Variants in NBDY observed in about 807,000 individuals in gnomAD.
The protein encoded by NBDY is P-body dissociating protein.
At chrX:56,807,923 T>G (rs1284091186) in intron 2 of NBDY, among the ~76,000 whole-genome samples, 9 of 112,072 alleles carry the variant, frequency 8.0e-5, no homozygotes, top group Admixed American at 3.8e-4. Context: ...TCCAGTTTTT[T>G]CCCATTCAGT....
chrX:56,815,758 CAT>C (rs897786547), intron 2 of NBDY, among the ~76,000 whole-genome samples: 5 of 111,690 alleles, frequency 4.5e-5, no homozygotes, highest in Admixed American at 9.5e-5. Flanking sequence ...ATAAATAAAA[CAT>C]GTTCGGAGTA....
chrX:56,737,654 G>T (rs1275543933), intron 2 of NBDY: 1 of 307,208 alleles, frequency 3.3e-6, no homozygotes, highest in Non-Finnish European at 5.6e-6. Context: ...CATCCCAACA[G>T]AATTTGGCAA....
intron 2 of NBDY, among the ~76,000 whole-genome samples, chrX:56,762,863 G>A (rs139667736): frequency 1.8e-5 from 2 of 111,019 alleles, no homozygotes; most frequent in East Asian, 2.8e-4. Context: ...AAACACACCC[G>A]CACACAGAGA....
At chrX:56,806,613 C>T (rs1473700233) in intron 2 of NBDY, among the ~76,000 whole-genome samples, 5 of 112,286 alleles carry the variant, frequency 4.5e-5, no homozygotes, top group African/African-American at 1.6e-4. Flanking sequence ...GCATAAATGT[C>T]TTCTCTTGAG....
At chrX:56,815,568 G>A (rs2069907076) in intron 2 of NBDY, among the ~76,000 whole-genome samples, 1 of 111,721 alleles carries the variant, frequency 9.0e-6, no homozygotes, top group South Asian at 3.7e-4. Flanking sequence ...TCCACAAATT[G>A]TTTAACTTTT....
chrX:56,762,475 G>C (rs1214404737), intron 2 of NBDY, among the ~76,000 whole-genome samples: 1 of 111,094 alleles, frequency 9.0e-6, no homozygotes, highest in Non-Finnish European at 1.9e-5. Flanking sequence ...CTTCACTTTT[G>C]TTCTGAAAGG....
intron 2 of NBDY, among the ~76,000 whole-genome samples, chrX:56,787,835 G>A (rs1354199966): frequency 8.9e-6 from 1 of 112,501 alleles, no homozygotes; most frequent in Non-Finnish European, 1.9e-5. Context: ...TGTTGAGTGG[G>A]TGGCCCCAGT....
intron 2 of NBDY, among the ~76,000 whole-genome samples, chrX:56,783,247 G>A (rs2069706286): frequency 8.9e-6 from 1 of 112,896 alleles, no homozygotes; most frequent in Non-Finnish European, 1.9e-5. Context: ...GGCAGTCGGG[G>A]CGGCCAGCCA....
intron 2 of NBDY, among the ~76,000 whole-genome samples, chrX:56,785,486 C>T (rs772966716): frequency 5.4e-5 from 6 of 111,328 alleles, no homozygotes; most frequent in African/African-American, 2.0e-4. Context: ...CATTCACCTC[C>T]GGGTACAGTC....
chrX:56,803,623 A>G (rs181034900), intron 2 of NBDY, among the ~76,000 whole-genome samples: 28 of 110,080 alleles, frequency 2.5e-4, no homozygotes, highest in Middle Eastern at 4.6e-3. Context: ...GATGGGGGAA[A>G]CTCTGGCTTA....
At chrX:56,808,087 C>T (rs1348747386) in intron 2 of NBDY, among the ~76,000 whole-genome samples, 1 of 112,033 alleles carries the variant, frequency 8.9e-6, no homozygotes, top group African/African-American at 3.2e-5. Flanking sequence ...GGTTTTTTGT[C>T]ATTAGTTCTG....
At chrX:56,790,463 T>A (rs925853624) in intron 2 of NBDY, among the ~76,000 whole-genome samples, 2 of 111,729 alleles carry the variant, frequency 1.8e-5, no homozygotes, top group Admixed American at 9.4e-5. Context: ...AAGACCCACA[T>A]GACTATGGAA....
At chrX:56,812,714 G>A (rs899766523) in intron 2 of NBDY, among the ~76,000 whole-genome samples, 36 of 111,459 alleles carry the variant, frequency 3.2e-4, no homozygotes, top group Admixed American at 7.6e-4. Flanking sequence ...ATGTCACCAC[G>A]CAGTGATACA....
intron 2 of NBDY, among the ~76,000 whole-genome samples, chrX:56,804,428 C>T (rs916634443): frequency 3.6e-5 from 4 of 112,242 alleles, no homozygotes; most frequent in East Asian, 5.6e-4. Context: ...CTTCCACAGG[C>T]GGCTCTCCTA....
chrX:56,787,408 AGCTACCCACAATCTCTTCCACATGG>A (rs2069735201), intron 2 of NBDY, among the ~76,000 whole-genome samples: 1 of 111,389 alleles, frequency 9.0e-6, no homozygotes, highest in African/African-American at 3.3e-5. Context: ...ACAGGCCTGA[AGCTACCCACAATCTCTTCCACATGG>A]GCTCTAAATG....
At chrX:56,802,319 G>A (rs922282756) in intron 2 of NBDY, among the ~76,000 whole-genome samples, 19 of 112,286 alleles carry the variant, frequency 1.7e-4, no homozygotes, top group Non-Finnish European at 5.6e-5. Context: ...ACCACACCTT[G>A]GGTAGAGGCA....
At chrX:56,795,237 C>G (rs2069786108) in intron 2 of NBDY, among the ~76,000 whole-genome samples, 1 of 111,812 alleles carries the variant, frequency 8.9e-6, no homozygotes, top group Non-Finnish European at 1.9e-5. Context: ...GCAATTGTGC[C>G]TTGGTTTGAT....
At chrX:56,783,997 G>A (rs1343669975) in intron 2 of NBDY, among the ~76,000 whole-genome samples, 1 of 111,890 alleles carries the variant, frequency 8.9e-6, no homozygotes, top group Non-Finnish European at 1.9e-5. Flanking sequence ...AGGGGTCCCA[G>A]TGAACCAGAG....
Position 56,729,483 on chromosome X carries a change from G to T in NBDY, c.130G>T (p.Gly44Cys), listed in dbSNP as rs1449623817. ...WDYPEGTPNG[G>C]STTLPSAPPP... The stretch of plus-strand genomic sequence containing the variant: ...TTATCCGGAAGGAACTCCCAACGGA[G>T]GTAGTACCACTCTACCCTCCGCACC... Residue 44 changes from glycine (G) to cysteine (C), a missense_variant, in exon 1 of 3, where the codon GGT (glycine) becomes TGT (cysteine). Coordinates refer to ENST00000374922, the MANE Select transcript of NBDY (RefSeq NM_001348129.2). The T allele has an allele frequency of 3.4e-6, 1 of 296,086 alleles. No individual in the cohort carries two copies. The highest frequency in any genetic ancestry group is 4.8e-5 in the East Asian group (1 of 20,959). The allele number at this position is 296,086 out of a possible 1,213,427, so 24.4% of individuals were successfully genotyped here.
Sources: allele counts gnomAD v4.1 joint callset (sites outside exome capture counted in the v4.1 genomes callset), GRCh38; gene constraint gnomAD v4.1.1; transcripts MANE v1.5; gene names NCBI Gene and HGNC (gene_info 2026-07-23, HGNC 2026-07-21).